The following PDLIM5 variants were observed in gnomAD, a reference collection of about 807,000 sequenced individuals.
PDLIM5 encodes PDZ and LIM domain protein 5.
PDLIM5 carries 34 observed loss-of-function variants against 64.2 expected under a neutral mutation model. The ratio of observed to expected loss-of-function variants is 0.53; its 90% confidence interval spans 0.40 to 0.71. The LOEUF (loss-of-function observed/expected upper bound fraction) is 0.71, where lower values mean the gene tolerates loss of function less well. Ranked by LOEUF, PDLIM5 falls within the 30% of genes least tolerant of loss-of-function variation. The pLI, the probability that PDLIM5 is intolerant of heterozygous loss-of-function variation, is 0.00. For missense variants in PDLIM5, 683 were observed against 733.6 expected (o/e 0.93, Z 0.80); for synonymous variants, 253 against 269.1 (o/e 0.94, Z 0.59).
intron 2 of PDLIM5, among the ~76,000 whole-genome samples, chr4:94,522,442 C>G (rs1002230078): frequency 6.6e-6 from 1 of 152,062 alleles, no homozygotes; most frequent in Non-Finnish European, 1.5e-5. Context: ...GTTGCACGAT[C>G]TCAGCTCACT....
At chr4:94,612,956 A>T (rs1160045766) in intron 7 of PDLIM5, among the ~76,000 whole-genome samples, 1 of 150,858 alleles carries the variant, frequency 6.6e-6, no homozygotes, top group Admixed American at 6.6e-5. Flanking sequence ...AATATATATT[A>T]GTATATTATA....
At chr4:94,457,560 T>G (rs369755627) in intron 2 of PDLIM5, among the ~76,000 whole-genome samples, 3 of 152,246 alleles carry the variant, frequency 2.0e-5, no homozygotes, top group Admixed American at 6.5e-5. Context: ...CTTACTTTTT[T>G]GCTGAAAAAA....
intron 7 of PDLIM5, chr4:94,587,740 ATTC>A (rs1212008332): frequency 1.0e-6 from 1 of 983,626 alleles, no homozygotes; most frequent in Admixed American, 6.1e-5. Flanking sequence ...GAAATACAGT[ATTC>A]TTTGGTTTGG....
intron 8 of PDLIM5, among the ~76,000 whole-genome samples, chr4:94,634,941 A>C (rs1014392906): frequency 2.0e-5 from 3 of 152,226 alleles, no homozygotes; most frequent in Middle Eastern, 3.2e-3. Context: ...TATACATTGT[A>C]TGCTGAGAAA....
intron 2 of PDLIM5, among the ~76,000 whole-genome samples, chr4:94,470,137 T>C (rs1455044748): frequency 6.6e-6 from 1 of 151,812 alleles, no homozygotes; most frequent in Non-Finnish European, 1.5e-5. Context: ...CGGCTAATTT[T>C]TTGTATTTTT....
chr4:94,478,422 G>A lies in PDLIM5; in HGVS notation c.96+23038G>A, dbSNP rs535261636. ...CATGAATCTTCAACTGCATGGGGATGGGGGTTGGCACATCCAATCCCCGCG... is the reference window on the plus strand; with the variant it reads ...CATGAATCTTCAACTGCATGGGGATAGGGGTTGGCACATCCAATCCCCGCG... On this transcript the variant is annotated intron_variant, in intron 2 of 12. Transcript: ENST00000317968. 1.8e-3 allele frequency among the ~76,000 whole-genome samples: 277 copies of A among 152,126 alleles called. 1 individual carries two copies. Among genetic ancestry groups the A allele is most frequent in the African/African-American group, 6.3e-3 (260 of 41,500 alleles).
At chr4:94,524,921 C>T (rs1730204629) in intron 3 of PDLIM5, among the ~76,000 whole-genome samples, 1 of 152,038 alleles carries the variant, frequency 6.6e-6, no homozygotes, top group South Asian at 2.1e-4. Context: ...GAACCTTCAG[C>T]TTTATAATGA....
chr4:94,484,384 A>G (rs934060975), intron 2 of PDLIM5, among the ~76,000 whole-genome samples: 5 of 152,240 alleles, frequency 3.3e-5, no homozygotes, highest in African/African-American at 1.2e-4. Context: ...AAGGCATTAA[A>G]TTAAATAATT....
At position 94,627,775 on chromosome 4, in the gene PDLIM5, A is replaced by T. The variant is rs192435933; in HGVS notation, c.1108+9584A>T. The stretch of plus-strand genomic sequence containing the variant: ...GTTTTCAAACGCATGAATAAGAATA[A>T]CAATGCTTGATAATTCTGCATGGTT... On this transcript the variant is annotated intron_variant, in intron 8 of 12. Transcript: ENST00000317968. Among the ~76,000 whole-genome samples the T allele has an allele frequency of 3.0e-4, 46 of 152,380 alleles. No individual in the cohort carries two copies. In the East Asian group the frequency reaches 7.7e-3, roughly 26 times the overall value.
intron 2 of PDLIM5, among the ~76,000 whole-genome samples, chr4:94,472,578 T>C (rs1042660936): frequency 6.6e-6 from 1 of 152,164 alleles, no homozygotes; most frequent in African/African-American, 2.4e-5. Flanking sequence ...ACTATTGCTT[T>C]CTAGGTGTTT....
chr4:94,661,233 A>AT (rs1380227742), intron 11 of PDLIM5, among the ~76,000 whole-genome samples: 2 of 151,796 alleles, frequency 1.3e-5, no homozygotes, highest in East Asian at 1.9e-4. Context: ...TACAAAAAAA[A>AT]TTTTTTTTTA....
At chr4:94,543,439 G>T in intron 3 of PDLIM5, among the ~76,000 whole-genome samples, 1 of 151,854 alleles carries the variant, frequency 6.6e-6, no homozygotes, top group African/African-American at 2.4e-5. Flanking sequence ...CAATTTTTTG[G>T]GGTGTGAGCA....
At chr4:94,595,625 A>C (rs1303462082) in intron 7 of PDLIM5, among the ~76,000 whole-genome samples, 5 of 152,194 alleles carry the variant, frequency 3.3e-5, no homozygotes, top group Non-Finnish European at 7.4e-5. Flanking sequence ...GTTTTTTTAA[A>C]ACTTTGTTGA....
intron 9 of PDLIM5, among the ~76,000 whole-genome samples, chr4:94,644,591 T>C (rs1017516165): frequency 6.6e-6 from 1 of 151,692 alleles, no homozygotes; most frequent in Non-Finnish European, 1.5e-5. Context: ...AGTGGTGCGA[T>C]CTCGGCTCAC....
At chr4:94,566,562 C>T (rs1405907565) in intron 3 of PDLIM5, among the ~76,000 whole-genome samples, 1 of 152,162 alleles carries the variant, frequency 6.6e-6, no homozygotes, top group Non-Finnish European at 1.5e-5. Flanking sequence ...TACCTCATTG[C>T]GTCCTCAAAA....
At chr4:94,632,633 C>T (rs1740247880) in intron 8 of PDLIM5, among the ~76,000 whole-genome samples, 1 of 152,132 alleles carries the variant, frequency 6.6e-6, no homozygotes, top group Non-Finnish European at 1.5e-5. Flanking sequence ...ATTAAGTTTG[C>T]AGATTGGAGT....
intron 2 of PDLIM5, among the ~76,000 whole-genome samples, chr4:94,511,621 ACC>A (rs1460387304): frequency 1.5e-5 from 2 of 132,722 alleles, no homozygotes; most frequent in African/African-American, 2.8e-5. Flanking sequence ...ACACACACAC[ACC>A]CCTCCACTAC....
chr4:94,456,275 C>T (rs1375362510), intron 2 of PDLIM5: 4 of 505,210 alleles, frequency 7.9e-6, no homozygotes, highest in South Asian at 4.7e-5. Context: ...CTCGGCTCAC[C>T]ACAACCTCCA....
chr4:94,548,566 G>A (rs1377761192), intron 3 of PDLIM5, among the ~76,000 whole-genome samples: 3 of 151,990 alleles, frequency 2.0e-5, no homozygotes, highest in East Asian at 1.9e-4. Flanking sequence ...GTAAGGAATT[G>A]GATTGTTTTC....
Sources: gnomAD v4.1 joint callset for allele counts (sites outside exome capture counted in the v4.1 genomes callset) on GRCh38, gnomAD v4.1.1 for gene constraint, MANE v1.5 for transcripts, NCBI Gene and HGNC (gene_info 2026-07-23, HGNC 2026-07-21) for gene names.